USP42: variants seen among roughly 807,000 people sequenced by gnomAD.
The protein encoded by USP42 is ubiquitin carboxyl-terminal hydrolase 42.
Under a neutral mutation model 113.0 loss-of-function variants are expected in USP42, and 23 were observed. The observed-to-expected ratio is 0.20, with a 90% CI of 0.15 to 0.29. The LOEUF is 0.29. USP42 is among the 10% of genes least tolerant of loss of function. The pLI, the probability that USP42 is intolerant of heterozygous loss-of-function variation, is 1.00. For missense variants in USP42, 2,174 were observed against 1,779.8 expected (o/e 1.22, Z -3.99); for synonymous variants, 933 against 699.0 (o/e 1.33, Z -5.28).
intron 3 of USP42, among the ~76,000 whole-genome samples, chr7:6,130,774 CAA>C (rs1353571301): frequency 6.6e-6 from 1 of 152,034 alleles, no homozygotes; most frequent in Non-Finnish European, 1.5e-5. Context: ...AGAGGAGACA[CAA>C]GAGAGGCTCA....
chr7:6,129,559 GAAAAAAAAA>G (rs34404773), intron 3 of USP42, among the ~76,000 whole-genome samples: 2 of 103,334 alleles, frequency 1.9e-5, no homozygotes, highest in African/African-American at 7.4e-5. Flanking sequence ...TCTGCCTCAG[GAAAAAAAAA>G]AAAAAAAAAG....
intron 4 of USP42, among the ~76,000 whole-genome samples, chr7:6,137,605 G>A (rs370581737): frequency 2.0e-4 from 31 of 152,230 alleles, no homozygotes; most frequent in African/African-American, 6.0e-4. Flanking sequence ...TGATCCACCC[G>A]TCTTGGCCTC....
Position 6,143,011 on chromosome 7 carries a change from G to A in USP42, c.875G>A (p.Ser292Asn), listed in dbSNP as rs764022677. 7.4e-6 allele frequency: 12 copies of A among 1,613,962 alleles called. No homozygotes were observed. Among genetic ancestry groups the A allele is most frequent in the Non-Finnish European group, 9.3e-6 (11 of 1,179,826 alleles). Residue 292 changes from serine to asparagine, a missense_variant, in exon 8 of 18, where the codon AGC (serine) becomes AAC (asparagine). Ser to Asn is a conservative substitution (Grantham distance 46). Coordinates refer to ENST00000306177, the MANE Select transcript of USP42 (RefSeq NM_032172.3). ...GATGGAGAAAACTCGTACAAGTGCA[G>A]CAAGTACGTTGGGTGGTGACTTGAT... is the stretch of plus-strand genomic sequence containing the variant. ...QLDGENSYKC[S>N]KCKKMVPASK...
chr7:6,135,359 G>T (rs1474781209), intron 3 of USP42, among the ~76,000 whole-genome samples: 1 of 151,980 alleles, frequency 6.6e-6, no homozygotes, highest in Non-Finnish European at 1.5e-5. Flanking sequence ...TGTTAGAAAA[G>T]TAAATGAGGC....
chr7:6,153,981 C>G lies in USP42; in HGVS notation c.2427C>G (p.Ile809Met). ...EEPPPSAGED[I>M]VGDTAPPDLC... is the part of the protein sequence containing the mutation. ...CTCCGCCCAGCGCCGGCGAGGACATCGTGGGGGACACAGCACCCCCTGACC... is the reference window on the plus strand; with the variant it reads ...CTCCGCCCAGCGCCGGCGAGGACATGGTGGGGGACACAGCACCCCCTGACC... Residue 809 changes from isoleucine to methionine, a missense_variant, in exon 15 of 18, where the codon ATC (isoleucine) becomes ATG (methionine). Ile to Met is a conservative substitution (Grantham distance 10, BLOSUM62 1). Transcript: ENST00000306177. 6.3e-7 allele frequency: 1 copy of G among 1,597,136 alleles called. No individual in the cohort carries two copies. The highest frequency in any genetic ancestry group is 8.5e-7 in the Non-Finnish European group (1 of 1,174,460).
At chr7:6,115,824 T>G (rs894259903) in intron 3 of USP42, among the ~76,000 whole-genome samples, 1 of 152,098 alleles carries the variant, frequency 6.6e-6, no homozygotes, top group Non-Finnish European at 1.5e-5. Flanking sequence ...TATCTGACAT[T>G]AGCTGGGCTC....
chr7:6,158,616 A>G lies in USP42; in HGVS notation c.3944-834A>G, dbSNP rs559292178. Among the ~76,000 whole-genome samples, 1 of 152,278 alleles carries G rather than the reference A, an allele frequency of 6.6e-6. No individual in the cohort carries two copies. The highest frequency in any genetic ancestry group is 2.1e-4 in the South Asian group (1 of 4,826). On this transcript the variant is annotated intron_variant, in intron 16 of 17. Coordinates refer to ENST00000306177, the MANE Select transcript of USP42 (RefSeq NM_032172.3). This position sits in a 1 kb window ranked among gnomAD's most constrained non-coding sequence, Gnocchi z 4.2. ...CATTTGCCCATGGAGTGCTGGGGAA[A>G]CAGCCGGAGATGAGGACAGGCACCA...
chr7:6,114,095 A>G (rs1779748253), intron 2 of USP42, among the ~76,000 whole-genome samples: 1 of 152,192 alleles, frequency 6.6e-6, no homozygotes, highest in Non-Finnish European at 1.5e-5. Context: ...TTTTTAGGTC[A>G]TAGGTAGTCT....
At chr7:6,146,992 G>A (rs1781752283) in intron 11 of USP42, among the ~76,000 whole-genome samples, 1 of 152,260 alleles carries the variant, frequency 6.6e-6, no homozygotes, top group Non-Finnish European at 1.5e-5. Flanking sequence ...GTCCTGTTGT[G>A]GCTGCATACG....
At chr7:6,128,700 G>C (rs1272211103) in intron 3 of USP42, among the ~76,000 whole-genome samples, 1 of 151,038 alleles carries the variant, frequency 6.6e-6, no homozygotes, top group African/African-American at 2.4e-5. Flanking sequence ...GCCATTTAAT[G>C]TTTTGTTTTT....
upstream of USP42, among the ~76,000 whole-genome samples, chr7:6,102,702 G>C (rs1305795577): frequency 6.6e-6 from 1 of 150,912 alleles, no homozygotes; most frequent in Non-Finnish European, 1.5e-5. Context: ...ATGTAGTAGT[G>C]GGGTAGGGCT....
intron 8 of USP42, 51 bp downstream of exon 8, chr7:6,143,065 G>T: frequency 6.3e-7 from 1 of 1,587,724 alleles, no homozygotes; most frequent in Non-Finnish European, 8.6e-7. Context: ...CAGTGGGGAT[G>T]GCCGGCAGGC....
rs570384412 is a variant in USP42, at chr7:6,105,820, C to T, written c.-10+788C>T. ...ACGGAACAAGTTTTCCCATCTAGGA[C>T]TTTAACCCCTCTCACATGCATGCAG... On this transcript the variant is annotated intron_variant, in intron 1 of 17. Coordinates refer to ENST00000306177, the MANE Select transcript of USP42 (RefSeq NM_032172.3). Among the ~76,000 whole-genome samples, 5 of 152,208 alleles carry T rather than the reference C, an allele frequency of 3.3e-5. No individual in the cohort carries two copies. In the South Asian group the frequency reaches 1.0e-3, roughly 31 times the overall value.
chr7:6,108,469 T>C (rs1779413920), intron 1 of USP42, among the ~76,000 whole-genome samples: 1 of 152,162 alleles, frequency 6.6e-6, no homozygotes, highest in African/African-American at 2.4e-5. Context: ...GGTAGTACTT[T>C]TTTGTACTTT....
chr7:6,087,686 C>A, the USP42 span, among the ~76,000 whole-genome samples: 4 of 150,960 alleles, frequency 2.6e-5, no homozygotes, highest in East Asian at 7.7e-4. Flanking sequence ...TATTTTTCAG[C>A]GAGAGTGTGA....
intron 4 of USP42, among the ~76,000 whole-genome samples, chr7:6,137,208 A>G (rs920538400): frequency 2.6e-5 from 4 of 152,218 alleles, no homozygotes; most frequent in Non-Finnish European, 1.5e-5. Flanking sequence ...CTTTTTGCCT[A>G]GAAAGCCACT....
At chr7:6,155,750 T>C (rs1415017586) in intron 15 of USP42, among the ~76,000 whole-genome samples, 2 of 152,000 alleles carry the variant, frequency 1.3e-5, no homozygotes, top group Non-Finnish European at 2.9e-5. Flanking sequence ...AATTGGGAAA[T>C]TTGCTTCTGT....
In USP42 at chr7:6,154,903, C is replaced by T. The variant is rs997892579; in HGVS notation, c.3349C>T (p.Pro1117Ser). The T allele has an allele frequency of 2.5e-5, 38 of 1,544,800 alleles. No individual in the cohort carries two copies. The African/African-American group carries it at 2.6e-4, about 11-fold the overall frequency. ...GAGGGAGCGGCACCGCCCCAGCAGC[C>T]CCCGCGCAGGCGCGCCCCACGCCCT... The part of the protein sequence containing the change: ...RERERHRPSS[P>S]RAGAPHALAP... Residue 1117 changes from proline (P) to serine (S), a missense_variant, in exon 15 of 18, where the codon CCC (proline) becomes TCC (serine). Physicochemically the swap from Pro to Ser is moderately conservative, Grantham distance 74. Coordinates refer to ENST00000306177, the MANE Select transcript of USP42 (RefSeq NM_032172.3).
chr7:6,115,964 A>G (rs1779888850), intron 3 of USP42, among the ~76,000 whole-genome samples: 1 of 152,166 alleles, frequency 6.6e-6, no homozygotes, highest in South Asian at 2.1e-4. Context: ...TTAGTCTAGC[A>G]TGGCAGCACA....
Sources: allele counts gnomAD v4.1 joint callset (sites outside exome capture counted in the v4.1 genomes callset), GRCh38; gene constraint gnomAD v4.1.1; non-coding constraint Gnocchi (gnomAD v3.1); transcripts MANE v1.5; gene names NCBI Gene and HGNC (gene_info 2026-07-23, HGNC 2026-07-21).